Variants in NUP93 observed in about 807,000 individuals in gnomAD.
NUP93 encodes the protein nuclear pore complex protein Nup93.
Under a neutral mutation model 107.8 loss-of-function variants are expected in NUP93, and 55 were observed. The observed-to-expected ratio is 0.51, with a 90% CI of 0.41 to 0.64. The LOEUF is 0.64. NUP93 is among the 30% of genes least tolerant of loss of function. The pLI, the probability that NUP93 is intolerant of heterozygous loss-of-function variation, is 0.00. For synonymous variants in NUP93, 390 were observed against 397.5 expected (o/e 0.98, Z 0.22); for missense variants, 937 against 1,044.7 (o/e 0.90, Z 1.42).
intron 6 of NUP93, among the ~76,000 whole-genome samples, chr16:56,819,751 G>A (rs1402162537): frequency 6.6e-6 from 1 of 152,216 alleles, no homozygotes; most frequent in African/African-American, 2.4e-5. Context: ...CTGGTTAGCT[G>A]ATGGTATTAT....
intron 3 of NUP93, among the ~76,000 whole-genome samples, chr16:56,796,187 G>A (rs938828140): frequency 3.9e-5 from 6 of 152,184 alleles, no homozygotes; most frequent in East Asian, 1.9e-4. Flanking sequence ...ATACACTAAT[G>A]TGCCACATAA....
intron 5 of NUP93, among the ~76,000 whole-genome samples, chr16:56,817,830 A>G (rs970627213): frequency 2.6e-5 from 4 of 152,216 alleles, no homozygotes; most frequent in Admixed American, 1.3e-4. Context: ...TTGTACAGGT[A>G]TGTAGCCTAG....
chr16:56,824,506 A>G (rs1212584837), intron 8 of NUP93, among the ~76,000 whole-genome samples: 2 of 152,162 alleles, frequency 1.3e-5, no homozygotes, highest in African/African-American at 4.8e-5. Context: ...AGGGGTTGTC[A>G]TGAGTGTGCA....
intron 3 of NUP93, chr16:56,781,636 A>G (rs1438643213): frequency 1.8e-5 from 3 of 163,504 alleles, no homozygotes; most frequent in Non-Finnish European, 3.8e-5. Context: ...ACCAAACATG[A>G]CAGCTGAAGC....
intron 1 of NUP93, chr16:56,741,004 G>A (rs1040915297): frequency 1.4e-5 from 2 of 144,800 alleles, no homozygotes; most frequent in Non-Finnish European, 3.0e-5. Flanking sequence ...GGGAGACCGT[G>A]GGGAGAGGGA....
intron 1 of NUP93, among the ~76,000 whole-genome samples, chr16:56,734,420 T>C (rs1961580826): frequency 6.6e-6 from 1 of 151,348 alleles, no homozygotes; most frequent in African/African-American, 2.4e-5. Context: ...TGGGGAAGAG[T>C]GGTAACAGAA....
intron 1 of NUP93, among the ~76,000 whole-genome samples, chr16:56,736,643 AT>A (rs1306756530): frequency 6.6e-6 from 1 of 152,174 alleles, no homozygotes; most frequent in Non-Finnish European, 1.5e-5. Context: ...TTGGGGGTGG[AT>A]AACTGCATTT....
At chr16:56,786,188 A>G (rs1962623892) in intron 3 of NUP93, among the ~76,000 whole-genome samples, 1 of 152,216 alleles carries the variant, frequency 6.6e-6, no homozygotes, top group South Asian at 2.1e-4. Flanking sequence ...CATGTGAACA[A>G]TAGTCATAGT....
chr16:56,798,504 C>T lies in NUP93; in HGVS notation c.326C>T (p.Ala109Val). 6.2e-7 allele frequency: 1 copy of T among 1,613,972 alleles called. No homozygotes were observed. ...QGFLKNEKDN[A>V]LLSAIEESRK... Reference sequence around the variant, plus strand: ...TTCCTGAAGAATGAGAAGGACAATGCCCTGCTGTCTGCCATCGAAGAGTCC... The same window carrying T: ...TTCCTGAAGAATGAGAAGGACAATGTCCTGCTGTCTGCCATCGAAGAGTCC... Residue 109 changes from alanine (A) to valine (V), a missense_variant, in exon 4 of 22, where the codon GCC (alanine) becomes GTC (valine). Physicochemically the swap from Ala to Val is moderately conservative, Grantham distance 64 (BLOSUM62 0). Transcript: ENST00000308159.
chr16:56,798,115 T>C (rs1962939841), intron 3 of NUP93, among the ~76,000 whole-genome samples: 1 of 152,206 alleles, frequency 6.6e-6, no homozygotes, highest in African/African-American at 2.4e-5. Flanking sequence ...AAATATAGAC[T>C]AAGGAACAGT....
chr16:56,782,140 A>T, intron 3 of NUP93: 2 of 985,308 alleles, frequency 2.0e-6, no homozygotes, highest in Non-Finnish European at 2.4e-6. Flanking sequence ...CTCATCTCAT[A>T]TAAGAAGGTT....
At chr16:56,815,887 C>CTGCTGCTGCTGCTGCTGG (rs1567402603) in intron 5 of NUP93, among the ~76,000 whole-genome samples, 12 of 139,406 alleles carry the variant, frequency 8.6e-5, no homozygotes, top group African/African-American at 1.5e-4. Context: ...GCTGCTGCTG[C>CTGCTGCTGCTGCTGCTGG]TGCTGCTGCT....
intron 21 of NUP93, among the ~76,000 whole-genome samples, chr16:56,842,916 C>G (rs1390841556): frequency 6.6e-6 from 1 of 152,146 alleles, no homozygotes; most frequent in Non-Finnish European, 1.5e-5. Context: ...TGATGAGACT[C>G]TCAGCATCTC....
At chr16:56,783,566 C>T (rs1489099715) in intron 3 of NUP93, 12 of 985,288 alleles carry the variant, frequency 1.2e-5, no homozygotes, top group East Asian at 2.3e-4. Flanking sequence ...CAATTATCCA[C>T]GCCTTGGTAC....
At chr16:56,776,196 T>C (rs2144511493) in intron 3 of NUP93, among the ~76,000 whole-genome samples, 1 of 151,930 alleles carries the variant, frequency 6.6e-6, no homozygotes, top group Non-Finnish European at 1.5e-5. Context: ...GTGTGTAAAA[T>C]TATAACCTGA....
chr16:56,747,630 GAGT>G (rs1425727545), intron 1 of NUP93, among the ~76,000 whole-genome samples: 3 of 151,972 alleles, frequency 2.0e-5, no homozygotes, highest in African/African-American at 7.3e-5. Flanking sequence ...GAGAGAGGGA[GAGT>G]TAGTGGTGGT....
chr16:56,813,530 AT>A (rs1334219798), intron 5 of NUP93, among the ~76,000 whole-genome samples: 1 of 152,068 alleles, frequency 6.6e-6, no homozygotes, highest in African/African-American at 2.4e-5. Context: ...TTTCAAAAAG[AT>A]TTTTTAAAAA....
intron 3 of NUP93, among the ~76,000 whole-genome samples, chr16:56,776,869 G>T (rs1962424794): frequency 6.6e-6 from 1 of 152,194 alleles, no homozygotes; most frequent in Non-Finnish European, 1.5e-5. Context: ...AAATTTTGTG[G>T]CTATGAATCC....
intron 1 of NUP93, among the ~76,000 whole-genome samples, chr16:56,744,783 T>G (rs1200761906): frequency 1.3e-5 from 2 of 152,242 alleles, no homozygotes; most frequent in African/African-American, 4.8e-5. Flanking sequence ...CCATTTAGAC[T>G]GTCACTGCCT....
Sources: allele counts gnomAD v4.1 joint callset (sites outside exome capture counted in the v4.1 genomes callset), GRCh38; gene constraint gnomAD v4.1.1; transcripts MANE v1.5; gene names NCBI Gene and HGNC (gene_info 2026-07-23, HGNC 2026-07-21).